The following LRP12 variants were observed in gnomAD, a reference collection of about 807,000 sequenced individuals.
LRP12 encodes LDL receptor related protein 12, also known as low-density lipoprotein receptor-related protein 12.
Under a neutral mutation model 66.0 loss-of-function variants are expected in LRP12, and 14 were observed. That is an observed-to-expected ratio of 0.21 (90% confidence interval 0.14 to 0.33). The LOEUF is 0.33. LRP12 is among the 10% of genes least tolerant of loss of function. The pLI is 1.00. For missense variants in LRP12, 889 were observed against 1,053.4 expected (o/e 0.84, Z 2.16); for synonymous variants, 357 against 359.1 (o/e 0.99, Z 0.07).
At chr8:104,584,888 G>C (rs1812306177) in intron 1 of LRP12, among the ~76,000 whole-genome samples, 1 of 152,104 alleles carries the variant, frequency 6.6e-6, no homozygotes, top group East Asian at 1.9e-4. Flanking sequence ...TCTAAAATTG[G>C]AATTTCTTGT....
At chr8:104,508,043 C>T (rs1382423130) in intron 3 of LRP12, 1 of 152,208 alleles carries the variant, frequency 6.6e-6, no homozygotes, top group Non-Finnish European at 1.5e-5. Flanking sequence ...TTCTATGCCT[C>T]CTACCCATAC....
intron 1 of LRP12, among the ~76,000 whole-genome samples, chr8:104,575,858 A>G (rs998978453): frequency 6.6e-6 from 1 of 152,164 alleles, no homozygotes; most frequent in African/African-American, 2.4e-5. Flanking sequence ...ACCCAATCCA[A>G]AGAAGCTAAA....
intron 1 of LRP12, among the ~76,000 whole-genome samples, chr8:104,543,334 T>C (rs934738734): frequency 5.9e-5 from 9 of 152,090 alleles, no homozygotes; most frequent in Non-Finnish European, 7.4e-5. Context: ...ATTTAAAACT[T>C]TTTCATTACT....
intron 3 of LRP12, chr8:104,506,276 C>T (rs1296378620): frequency 6.6e-6 from 1 of 151,948 alleles, no homozygotes; most frequent in Non-Finnish European, 1.5e-5. Context: ...TACTAGGTGG[C>T]CGTGGCATAA....
intron 1 of LRP12, among the ~76,000 whole-genome samples, chr8:104,536,702 T>C (rs1355537070): frequency 4.0e-5 from 6 of 151,032 alleles, no homozygotes; most frequent in Non-Finnish European, 8.9e-5. Context: ...AGGACAGGAG[T>C]GGCCACTATA....
At chr8:104,505,981 T>A (rs1368307502) in intron 3 of LRP12, 2 of 152,186 alleles carry the variant, frequency 1.3e-5, no homozygotes, top group African/African-American at 4.8e-5. Flanking sequence ...ACAGTATTTA[T>A]AGCACTGGCC....
At chr8:104,535,324 T>C (rs1385387836) in intron 1 of LRP12, among the ~76,000 whole-genome samples, 1 of 151,902 alleles carries the variant, frequency 6.6e-6, no homozygotes, top group African/African-American at 2.4e-5. Flanking sequence ...GATATGAAGT[T>C]TAAGTTCTAG....
intron 1 of LRP12, among the ~76,000 whole-genome samples, chr8:104,579,934 C>T (rs1030708592): frequency 3.5e-4 from 53 of 152,156 alleles, no homozygotes; most frequent in African/African-American, 1.2e-3. Context: ...TAACTCAAGA[C>T]GGATTGAAGA....
intron 1 of LRP12, among the ~76,000 whole-genome samples, chr8:104,553,312 C>T (rs1456214426): frequency 2.0e-5 from 3 of 152,160 alleles, no homozygotes; most frequent in African/African-American, 4.8e-5. Context: ...GAAAGCCCTG[C>T]TTGCTTTCTC....
chr8:104,535,025 T>TA (rs35159534), intron 1 of LRP12, among the ~76,000 whole-genome samples: 10,150 of 131,644 alleles, frequency 0.077, 391 homozygotes, highest in South Asian at 0.088. Flanking sequence ...TAGCAAATAC[T>TA]AAAAAAAAAA....
intron 5 of LRP12, among the ~76,000 whole-genome samples, chr8:104,496,351 T>C (rs1412015184): frequency 1.3e-5 from 2 of 152,220 alleles, no homozygotes; most frequent in Non-Finnish European, 2.9e-5. Flanking sequence ...CCTACTTCTA[T>C]ATATTTTCCT....
At position 104,580,464 on chromosome 8, in the gene LRP12, G is replaced by T. The variant is rs148131139; in HGVS notation, c.79+8355C>A. On this transcript the variant is annotated intron_variant, in intron 1 of 6. Coordinates refer to ENST00000276654, the MANE Select transcript of LRP12 (RefSeq NM_013437.5). The stretch of plus-strand genomic sequence containing the variant: ...AGAATGGCATGAACCCGCGAGGCGG[G>T]GCTTGCAGAGAGCCAAGATTGTGCC... Among the ~76,000 whole-genome samples, 742 of 151,790 alleles carry T rather than the reference G, an allele frequency of 4.9e-3. 8 individuals carry two copies. The highest frequency in any genetic ancestry group is 0.017 in the African/African-American group (705 of 41,456).
intron 1 of LRP12, among the ~76,000 whole-genome samples, chr8:104,543,205 T>A (rs1039096055): frequency 5.3e-5 from 8 of 152,152 alleles, no homozygotes; most frequent in Admixed American, 1.3e-4. Context: ...GTTGTTGTTT[T>A]GTTTACCAAA....
intron 1 of LRP12, among the ~76,000 whole-genome samples, chr8:104,532,413 T>G (rs1406715370): frequency 6.6e-6 from 1 of 152,012 alleles, no homozygotes; most frequent in Non-Finnish European, 1.5e-5. Context: ...CTTCTAAATC[T>G]TCAAAAAAAT....
At chr8:104,568,012 C>T (rs1812030976) in intron 1 of LRP12, among the ~76,000 whole-genome samples, 1 of 152,158 alleles carries the variant, frequency 6.6e-6, no homozygotes. Context: ...CTCACACTTT[C>T]TGATTTCAAA....
chr8:104,570,770 G>A (rs1812065446), intron 1 of LRP12, among the ~76,000 whole-genome samples: 1 of 152,058 alleles, frequency 6.6e-6, no homozygotes, highest in African/African-American at 2.4e-5. Context: ...CTGACAAGTT[G>A]AACTTCATCA....
Position 104,491,002 on chromosome 8 carries a change from T to C in LRP12, c.2251A>G (p.Ser751Gly), listed in dbSNP as rs774748369. Residue 751 changes from serine to glycine, a missense_variant, in exon 7 of 7, where the codon AGT (serine) becomes GGT (glycine). Ser to Gly is a moderately conservative substitution (Grantham distance 56, BLOSUM62 0). This residue lies in a region of LRP12 where 800 missense variants were observed against 964.5 expected (regional missense o/e 0.83). Transcript: ENST00000276654. ...TGTCTCAAAGGACTCTGGTTCTGAC[T>C]TAGGGAACTTGATCGTCCTAATGTA... ...RFTLGRSSSLSQNQSPLRQLD... is the reference protein window; with the variant it reads ...RFTLGRSSSLGQNQSPLRQLD... 1.9e-6 allele frequency: 3 copies of C among 1,614,110 alleles called. No homozygotes were observed. Among genetic ancestry groups the C allele is most frequent in the Non-Finnish European group, 2.5e-6 (3 of 1,180,022 alleles).
intron 1 of LRP12, among the ~76,000 whole-genome samples, chr8:104,576,185 G>C (rs1812162093): frequency 6.6e-6 from 1 of 152,088 alleles, no homozygotes; most frequent in Non-Finnish European, 1.5e-5. Context: ...GAACCAACTT[G>C]GTAAACATAT....
intron 3 of LRP12, among the ~76,000 whole-genome samples, chr8:104,501,462 G>C (rs1183159731): frequency 6.6e-6 from 1 of 152,216 alleles, no homozygotes; most frequent in Admixed American, 6.5e-5. Flanking sequence ...AACTTTGGGA[G>C]GCTGAGGTGG....
Sources: gnomAD v4.1 joint callset for allele counts (sites outside exome capture counted in the v4.1 genomes callset) on GRCh38, gnomAD v4.1.1 for gene constraint, gnomAD v4.1.1 regional missense constraint, MANE v1.5 for transcripts, NCBI Gene and HGNC (gene_info 2026-07-23, HGNC 2026-07-21) for gene names.